Variants in CATSPERB observed in about 807,000 individuals in gnomAD.
CATSPERB encodes the protein cation channel sperm-associated auxiliary subunit beta.
CATSPERB carries 93 observed loss-of-function variants against 128.3 expected under a neutral mutation model. That is an observed-to-expected ratio of 0.72 (90% CI 0.61 to 0.86). The LOEUF (loss-of-function observed/expected upper bound fraction) is 0.86, where lower values mean the gene tolerates loss of function less well. CATSPERB is among the 40% of genes least tolerant of loss of function. The pLI is 0.00. For missense variants in CATSPERB, 1,153 were observed against 1,329.5 expected, an observed-to-expected ratio of 0.87 and a Z score of 2.06; for synonymous variants, 381 against 448.8, an observed-to-expected ratio of 0.85 and a Z score of 1.91.
intron 15 of CATSPERB, among the ~76,000 whole-genome samples, chr14:91,652,670 C>CAAAAAAAAAAA (rs58608847): frequency 4.3e-5 from 3 of 69,166 alleles, no homozygotes; most frequent in Non-Finnish European, 5.0e-5. Context: ...GACTCTGTCT[C>CAAAAAAAAAAA]AAAAAAAAAA....
At chr14:91,725,357 T>C (rs1337298231) in intron 2 of CATSPERB, among the ~76,000 whole-genome samples, 189 bp from the exon 3 acceptor site, 1 of 152,212 alleles carries the variant, frequency 6.6e-6, no homozygotes, top group Non-Finnish European at 1.5e-5. Context: ...ATAAGGTATG[T>C]TTAGAAACGG....
chr14:91,668,980 G>T (rs572420405), intron 14 of CATSPERB, among the ~76,000 whole-genome samples: 1 of 152,304 alleles, frequency 6.6e-6, no homozygotes, highest in Admixed American at 6.5e-5. Context: ...CACAATGATT[G>T]TAAGTTTTCC....
intron 15 of CATSPERB, among the ~76,000 whole-genome samples, chr14:91,639,876 C>A (rs998293878): frequency 6.6e-6 from 1 of 151,204 alleles, no homozygotes; most frequent in Non-Finnish European, 1.5e-5. Context: ...CCCAAACCCA[C>A]CCAGTTAGCT....
intron 2 of CATSPERB, among the ~76,000 whole-genome samples, chr14:91,727,374 A>G (rs930427887): frequency 7.2e-5 from 11 of 152,206 alleles, no homozygotes; most frequent in Admixed American, 1.3e-4. Context: ...ACAGAGGAAG[A>G]ACCATGCCAA....
chr14:91,636,309 G>A, intron 17 of CATSPERB, 116 bp downstream of exon 17: 1 of 861,352 alleles, frequency 1.2e-6, no homozygotes, highest in Non-Finnish European at 1.8e-6. Context: ...GCTGCAGTGA[G>A]CTGTCATCGC....
intron 20 of CATSPERB, among the ~76,000 whole-genome samples, chr14:91,617,304 G>A (rs1399348623): frequency 6.6e-6 from 1 of 151,752 alleles, no homozygotes; most frequent in East Asian, 1.9e-4. Flanking sequence ...ATATTTTTGT[G>A]GTAAAAAAAT....
At chr14:91,596,874 T>A (rs1466412415) in intron 22 of CATSPERB, among the ~76,000 whole-genome samples, 1 of 151,976 alleles carries the variant, frequency 6.6e-6, no homozygotes, top group African/African-American at 2.4e-5. Context: ...ACTAATTAGG[T>A]TAGAAAAAGA....
chr14:91,700,837 A>G (rs1441601490), intron 7 of CATSPERB, among the ~76,000 whole-genome samples: 1 of 152,124 alleles, frequency 6.6e-6, no homozygotes, highest in East Asian at 1.9e-4. Context: ...GAAGGGAGCA[A>G]TGGTTGAAAA....
At chr14:91,649,266 A>G (rs999440501) in intron 15 of CATSPERB, among the ~76,000 whole-genome samples, 7 of 151,698 alleles carry the variant, frequency 4.6e-5, no homozygotes, top group African/African-American at 1.7e-4. Context: ...TTTCATGTCT[A>G]TTTTTATGGG....
At position 91,669,962 on chromosome 14, in the gene CATSPERB, G is replaced by A; in HGVS notation, c.1139C>T (p.Thr380Ile). ...VYLFYNKVRK[T>I]AIASVSTLRN... The stretch of plus-strand genomic sequence containing the variant: ...CAGGGTGCTCACAGAGGCAATGGCA[G>A]TTTTCCTGACCTAGGTAAACAAAGA... The change falls in exon 14 of 27, where the codon ACT (threonine) becomes ATT (isoleucine). Residue 380 changes from threonine to isoleucine, a missense_variant. Coordinates refer to ENST00000256343, the MANE Select transcript of CATSPERB (RefSeq NM_024764.4). The A allele has an allele frequency of 6.2e-7, 1 of 1,611,732 alleles. No homozygotes were observed. The highest frequency in any genetic ancestry group is 8.5e-7 in the Non-Finnish European group (1 of 1,179,254).
intron 15 of CATSPERB, among the ~76,000 whole-genome samples, chr14:91,650,995 A>G (rs1457003485): frequency 6.6e-6 from 1 of 151,988 alleles, no homozygotes; most frequent in African/African-American, 2.4e-5. Flanking sequence ...TTATCTTGCT[A>G]GGTCTATTTT....
At chr14:91,727,548 G>T (rs1896137747) in intron 2 of CATSPERB, among the ~76,000 whole-genome samples, 1 of 152,152 alleles carries the variant, frequency 6.6e-6, no homozygotes. Context: ...ATTTCTGGAG[G>T]TTATAATGTT....
intron 14 of CATSPERB, among the ~76,000 whole-genome samples, chr14:91,662,027 T>A (rs553483366): frequency 9.2e-4 from 140 of 152,296 alleles, no homozygotes; most frequent in African/African-American, 3.1e-3. Flanking sequence ...ATATTTTAAA[T>A]TATTTATCTA....
At chr14:91,618,738 A>T (rs1893989714) in intron 19 of CATSPERB, among the ~76,000 whole-genome samples, 1 of 152,238 alleles carries the variant, frequency 6.6e-6, no homozygotes, top group Admixed American at 6.5e-5. Context: ...CAGATTTGAA[A>T]TACTATGTAG....
At chr14:91,648,008 T>A (rs1384128670) in intron 15 of CATSPERB, among the ~76,000 whole-genome samples, 1 of 152,238 alleles carries the variant, frequency 6.6e-6, no homozygotes, top group Non-Finnish European at 1.5e-5. Context: ...GTTCATCATA[T>A]CATTACTCAT....
intron 22 of CATSPERB, among the ~76,000 whole-genome samples, chr14:91,598,259 C>T (rs1189467631): frequency 6.6e-6 from 1 of 151,298 alleles, no homozygotes; most frequent in African/African-American, 2.4e-5. Context: ...TTATATATAA[C>T]CTTTAAATAA....
At chr14:91,666,952 T>C (rs576009922) in intron 14 of CATSPERB, among the ~76,000 whole-genome samples, 2 of 152,208 alleles carry the variant, frequency 1.3e-5, no homozygotes, top group Non-Finnish European at 2.9e-5. Context: ...TTAACCTATA[T>C]ATTGATGGAA....
intron 17 of CATSPERB, among the ~76,000 whole-genome samples, chr14:91,629,825 T>C (rs1001883731): frequency 2.0e-4 from 30 of 152,156 alleles, no homozygotes; most frequent in Non-Finnish European, 4.0e-4. Flanking sequence ...AGCACTGCTG[T>C]TCCAGAAGAG....
chr14:91,729,568 AAATAATCTC>A, intron 1 of CATSPERB, 89 bp from the exon 2 acceptor site: 1 of 607,728 alleles, frequency 1.6e-6, no homozygotes, highest in Non-Finnish European at 2.8e-6. Context: ...AGTAGTAAAG[AAATAATCTC>A]AATATTCTTA....
Sources: allele counts gnomAD v4.1 joint callset (sites outside exome capture counted in the v4.1 genomes callset), GRCh38; gene constraint gnomAD v4.1.1; transcripts MANE v1.5; gene names NCBI Gene and HGNC (gene_info 2026-07-23, HGNC 2026-07-21).